Variants in SLC12A2 observed in about 807,000 individuals in gnomAD.
SLC12A2 encodes the protein Na-K-2Cl cotransporter 1.
A neutral mutation model predicts 136.3 loss-of-function variants in SLC12A2; 67 were observed. That is an observed-to-expected ratio of 0.49 (90% CI 0.40 to 0.60). SLC12A2 has a LOEUF of 0.60. SLC12A2 is among the 20% of genes least tolerant of loss of function. The pLI, the probability that SLC12A2 is intolerant of heterozygous loss-of-function variation, is 0.00. For missense variants in SLC12A2, 1,322 were observed against 1,534.7 expected (o/e 0.86, Z 2.32); for synonymous variants, 619 against 562.9 (o/e 1.10, Z -1.41).
chr5:128,164,988 G>A (rs942510956), intron 17 of SLC12A2, among the ~76,000 whole-genome samples: 5 of 151,658 alleles, frequency 3.3e-5, no homozygotes, highest in Non-Finnish European at 7.4e-5. Flanking sequence ...GACCATAGGC[G>A]TGCGCTACCA....
Position 128,186,725 on chromosome 5 carries a change from A to G in SLC12A2, c.*94A>G, listed in dbSNP as rs1313328516. On this transcript the variant is annotated 3_prime_UTR_variant, in exon 27 of 27. Transcript: ENST00000262461. ...ATGACACATTAACATCACAATGGCG[A>G]ATGGTGACTTTTCTTTCACGATTTC... is the stretch of plus-strand genomic sequence containing the variant. 7.8e-7 allele frequency: 1 copy of G among 1,278,510 alleles called. No individual in the cohort carries two copies. Among genetic ancestry groups the G allele is most frequent in the South Asian group, 1.5e-5 (1 of 67,242 alleles). 79.2% of individuals were successfully genotyped at this position (1,278,510 alleles called of 1,614,324 possible).
At chr5:128,172,382 G>GT (rs11439479) in intron 19 of SLC12A2, among the ~76,000 whole-genome samples, 126,021 of 152,054 alleles carry the variant, frequency 0.83, 52,919 homozygotes, top group African/African-American at 0.95. Context: ...GATTTCAGCA[G>GT]TTTACAAAGA....
intron 15 of SLC12A2, among the ~76,000 whole-genome samples, chr5:128,157,037 T>C (rs1301791075): frequency 6.6e-6 from 1 of 152,202 alleles, no homozygotes; most frequent in East Asian, 1.9e-4. Context: ...CCAGACAGAA[T>C]TGCTTTTCCA....
intron 1 of SLC12A2, chr5:128,110,551 T>C: frequency 7.7e-7 from 1 of 1,306,476 alleles, no homozygotes; most frequent in Non-Finnish European, 1.1e-6. Context: ...ACACATTTCA[T>C]TTTTTGATTT....
intron 4 of SLC12A2, among the ~76,000 whole-genome samples, chr5:128,128,475 T>A (rs1761898011): frequency 6.6e-6 from 1 of 152,070 alleles, no homozygotes; most frequent in Admixed American, 6.6e-5. Flanking sequence ...GATCAACAGA[T>A]TTTTTTAATA....
intron 4 of SLC12A2, among the ~76,000 whole-genome samples, chr5:128,116,377 G>T (rs1342445142): frequency 7.9e-6 from 1 of 126,518 alleles, no homozygotes; most frequent in Admixed American, 9.1e-5. Flanking sequence ...ATATACCATT[G>T]GTAGTGTGTA....
Position 128,174,135 on chromosome 5 carries a change from CG to C in SLC12A2, c.2804-405del, listed in dbSNP as rs375147974. ...TGTACTCATTACTGATTCTCCAGCTCGTAATTCAAATACAGTTTGTGTATCT... is the reference window on the plus strand; with the variant it reads ...TGTACTCATTACTGATTCTCCAGCTCTAATTCAAATACAGTTTGTGTATCT... On this transcript the variant is annotated intron_variant, in intron 19 of 26. Coordinates refer to ENST00000262461, the MANE Select transcript of SLC12A2 (RefSeq NM_001046.3). Among the ~76,000 whole-genome samples, 44 of 152,236 alleles carry C rather than the reference CG, an allele frequency of 2.9e-4. No homozygotes were observed. The East Asian group carries it at 6.2e-3, about 21-fold the overall frequency.
intron 6 of SLC12A2, among the ~76,000 whole-genome samples, chr5:128,135,196 C>G (rs1762146933): frequency 6.6e-6 from 1 of 152,036 alleles, no homozygotes; most frequent in Non-Finnish European, 1.5e-5. Context: ...AATCCCATTG[C>G]TACTTGAATT....
At position 128,096,421 on chromosome 5, in the gene SLC12A2, G is replaced by A. The variant is rs1051890972; in HGVS notation, c.756+11711G>A. 7.2e-5 allele frequency among the ~76,000 whole-genome samples: 11 copies of A among 151,974 alleles called. No individual in the cohort carries two copies. In the East Asian group the frequency reaches 9.6e-4, roughly 13 times the overall value. Reference sequence around the variant, plus strand: ...CTTTTTTATAAAACCTAATGGTTTCGGGCATAACTTATCAGACTTGATATT... The same window carrying A: ...CTTTTTTATAAAACCTAATGGTTTCAGGCATAACTTATCAGACTTGATATT... On this transcript the variant is annotated intron_variant, in intron 1 of 26. Coordinates refer to ENST00000262461, the MANE Select transcript of SLC12A2 (RefSeq NM_001046.3).
rs756855929 is a variant in SLC12A2, at chr5:128,112,927, T to C, written c.870T>C (p.Gly290=). ...KGVVKFGWIK[G]VLVRCMLNIW... ...TCGTGAAGTTTGGCTGGATCAAGGG[T>C]GTATTAGTATGTATATATAGACTTA... is the stretch of plus-strand genomic sequence containing the variant. Residue 290 remains glycine, a synonymous_variant, in exon 2 of 27, where the codon GGT becomes GGC. Coordinates refer to ENST00000262461, the MANE Select transcript of SLC12A2 (RefSeq NM_001046.3). 1 of 1,604,730 alleles carries C rather than the reference T, an allele frequency of 6.2e-7. No homozygotes were observed. Among genetic ancestry groups the C allele is most frequent in the South Asian group, 1.1e-5 (1 of 89,050 alleles).
chr5:128,178,179 G>T (rs763551147), intron 21 of SLC12A2, among the ~76,000 whole-genome samples: 1 of 152,088 alleles, frequency 6.6e-6, no homozygotes, highest in Admixed American at 6.6e-5. Flanking sequence ...GATTACCAAA[G>T]AAATAGTTTC....
rs1490376125 is a variant in SLC12A2 at position 128,089,197 on chromosome 5, CAAG to C, written c.756+4490_756+4492del. Among the ~76,000 whole-genome samples the C allele has an allele frequency of 1.2e-3, 176 of 149,232 alleles. 1 individual carries two copies. The highest frequency in any genetic ancestry group is 4.2e-3 in the African/African-American group (169 of 40,694). On this transcript the variant is annotated intron_variant, in intron 1 of 26. Transcript: ENST00000262461. Reference sequence around the variant, plus strand: ...AAAAAAAAAAAAAAAGAAAGAAACACAAGAAATTGCTTAATAGCCACTTTTACA... The same window carrying C: ...AAAAAAAAAAAAAAAGAAAGAAACACAAATTGCTTAATAGCCACTTTTACA...
In SLC12A2 at chr5:128,112,818, C is replaced by A. The variant is rs1161538202; in HGVS notation, c.761C>A (p.Pro254His). The A allele has an allele frequency of 1.2e-6, 2 of 1,604,978 alleles. No individual in the cohort carries two copies. Among genetic ancestry groups the A allele is most frequent in the Non-Finnish European group, 1.7e-6 (2 of 1,176,282 alleles). Residue 254 changes from proline to histidine, a missense_variant, in exon 2 of 27, where the codon CCT becomes CAT. Physicochemically the swap from Pro to His is moderately conservative, Grantham distance 77 (BLOSUM62 -2). This residue lies in a region of SLC12A2 where 59 missense variants were observed against 51.5 expected (regional missense o/e 1.15). Transcript: ENST00000262461. ...CATATTTCTTTTTATAACCAGGAAC[C>A]TTTTGAGGATGGCTTTGCAAATGGG... ...AELHDELEKE[P>H]FEDGFANGEE...
At chr5:128,114,117 C>T in intron 2 of SLC12A2, 95 bp from the exon 3 acceptor site, 1 of 854,204 alleles carries the variant, frequency 1.2e-6, no homozygotes, top group Non-Finnish European at 1.9e-6. Context: ...TCTGTAGTTT[C>T]AAATGCATGT....
chr5:128,148,062 T>C (rs1169523761), intron 11 of SLC12A2, among the ~76,000 whole-genome samples: 1 of 151,658 alleles, frequency 6.6e-6, no homozygotes, highest in Admixed American at 6.6e-5. Context: ...TAGGAAGTAG[T>C]AAAATATCTT....
chr5:128,183,607 A>G (rs2126760613), intron 24 of SLC12A2, among the ~76,000 whole-genome samples: 1 of 151,868 alleles, frequency 6.6e-6, no homozygotes, highest in East Asian at 1.9e-4. Context: ...AATGCCATTC[A>G]TGTTATTTTA....
At chr5:128,118,753 G>A (rs200091510) in intron 4 of SLC12A2, among the ~76,000 whole-genome samples, 3 of 152,162 alleles carry the variant, frequency 2.0e-5, no homozygotes, top group South Asian at 2.1e-4. Context: ...TCCAACTTCT[G>A]TAAAGCTTTT....
At chr5:128,151,466 TTTG>T in intron 14 of SLC12A2, 70 bp downstream of exon 14, 8 of 1,355,380 alleles carry the variant, frequency 5.9e-6, no homozygotes, top group Non-Finnish European at 8.1e-6. Flanking sequence ...CTAGAAGTTC[TTTG>T]TTATTTTTCA....
intron 1 of SLC12A2, among the ~76,000 whole-genome samples, chr5:128,102,725 G>A (rs1760791628): frequency 6.8e-6 from 1 of 146,818 alleles, no homozygotes; most frequent in Non-Finnish European, 1.5e-5. Flanking sequence ...TTATCCTCTG[G>A]CCTCAGCCTC....
Sources: gnomAD v4.1 joint callset for allele counts (sites outside exome capture counted in the v4.1 genomes callset) on GRCh38, gnomAD v4.1.1 for gene constraint, gnomAD v4.1.1 regional missense constraint, MANE v1.5 for transcripts, NCBI Gene and HGNC (gene_info 2026-07-23, HGNC 2026-07-21) for gene names.